The following PGCKA1 variants were observed in gnomAD, a reference collection of about 807,000 sequenced individuals.
PGCKA1 encodes PDCD10 and GCKIII kinases associated 1.
chr4:37,565,880 A>G, the PGCKA1 span, among the ~76,000 whole-genome samples: 24 of 152,306 alleles, frequency 1.6e-4, no homozygotes, highest in African/African-American at 5.1e-4. Context: ...GGTAGGCACC[A>G]TTTAATCAGC....
chr4:37,486,099 C>T, the PGCKA1 span, among the ~76,000 whole-genome samples: 6 of 152,314 alleles, frequency 3.9e-5, no homozygotes, highest in Non-Finnish European at 5.9e-5. Flanking sequence ...TTACTAAACT[C>T]ATATGTTCTT....
At chr4:37,469,803 A>G in the PGCKA1 span, among the ~76,000 whole-genome samples, 6 of 152,204 alleles carry the variant, frequency 3.9e-5, no homozygotes, top group Admixed American at 3.9e-4. Flanking sequence ...GGACAACAGG[A>G]TGAGCTATTT....
the PGCKA1 span, among the ~76,000 whole-genome samples, chr4:37,581,397 G>A: frequency 2.1e-3 from 313 of 152,220 alleles, no homozygotes; most frequent in African/African-American, 6.9e-3. This position sits in a 1 kb window ranked among gnomAD's most constrained non-coding sequence, Gnocchi z 4.4. Flanking sequence ...GGCCCATAGC[G>A]TACTACCTGG....
chr4:37,457,158 A>G, the PGCKA1 span, among the ~76,000 whole-genome samples: 2 of 152,238 alleles, frequency 1.3e-5, no homozygotes, highest in African/African-American at 2.4e-5. Context: ...AGACTTAAAT[A>G]TCTACATCTG....
the PGCKA1 span, among the ~76,000 whole-genome samples, chr4:37,565,530 C>T: frequency 1.3e-5 from 2 of 152,256 alleles, no homozygotes; most frequent in South Asian, 4.1e-4. Flanking sequence ...GGCTCTTCCA[C>T]AGAGTTATTG....
chr4:37,553,733 G>A, the PGCKA1 span, among the ~76,000 whole-genome samples: 1 of 152,204 alleles, frequency 6.6e-6, no homozygotes, highest in South Asian at 2.1e-4. Flanking sequence ...ATAATATTAT[G>A]CATTGGTATT....
At chr4:37,502,845 A>G in the PGCKA1 span, among the ~76,000 whole-genome samples, 1 of 152,012 alleles carries the variant, frequency 6.6e-6, no homozygotes, top group Non-Finnish European at 1.5e-5. Context: ...ACCCTAGGGC[A>G]CCCAGGGCTG....
the PGCKA1 span, chr4:37,590,320 G>C: frequency 2.5e-6 from 4 of 1,613,748 alleles, no homozygotes; most frequent in South Asian, 4.4e-5. Context: ...ACAGGGGGAC[G>C]CTGGAGGGGA....
chr4:37,497,571 T>C, the PGCKA1 span, among the ~76,000 whole-genome samples: 1 of 152,230 alleles, frequency 6.6e-6, no homozygotes, highest in Non-Finnish European at 1.5e-5. Context: ...ATTGTAGCCA[T>C]TCTTGCAGGA....
At chr4:37,566,898 AC>A in the PGCKA1 span, among the ~76,000 whole-genome samples, 1 of 152,092 alleles carries the variant, frequency 6.6e-6, no homozygotes, top group Non-Finnish European at 1.5e-5. Flanking sequence ...CCTTTCTTGT[AC>A]CAAGTCCTTC....
chr4:37,558,831 A>C, the PGCKA1 span, among the ~76,000 whole-genome samples: 12 of 128,164 alleles, frequency 9.4e-5, no homozygotes, highest in Admixed American at 3.2e-4. Context: ...GCAGCCAAAA[A>C]ACACATGAAA....
the PGCKA1 span, chr4:37,590,030 T>C: frequency 2.5e-6 from 3 of 1,215,348 alleles, no homozygotes; most frequent in African/African-American, 1.5e-5. Flanking sequence ...GCAGGGCCTG[T>C]GGTAAAAAGC....
chr4:37,572,048 CT>C, the PGCKA1 span, among the ~76,000 whole-genome samples: 43,881 of 110,572 alleles, frequency 0.4, 8,390 homozygotes, highest in East Asian at 0.59. Context: ...AACTTCACAC[CT>C]TTTTTTTTTT....
the PGCKA1 span, among the ~76,000 whole-genome samples, chr4:37,508,049 TGTA>T: frequency 6.6e-6 from 1 of 152,190 alleles, no homozygotes; most frequent in Non-Finnish European, 1.5e-5. Flanking sequence ...TACTGCTAGA[TGTA>T]TTGAAGCACC....
the PGCKA1 span, among the ~76,000 whole-genome samples, chr4:37,508,621 A>G: frequency 6.9e-6 from 1 of 144,498 alleles, no homozygotes; most frequent in Non-Finnish European, 1.5e-5. Context: ...AATTGTGAAT[A>G]TTATTGTGTT....
chr4:37,493,453 C>T, the PGCKA1 span, among the ~76,000 whole-genome samples: 1 of 152,138 alleles, frequency 6.6e-6, no homozygotes, highest in Non-Finnish European at 1.5e-5. Context: ...TTGGTATCTG[C>T]TTTATCCATG....
At chr4:37,590,073 T>C in the PGCKA1 span, 16 of 1,594,766 alleles carry the variant, frequency 1.0e-5, no homozygotes, top group African/African-American at 8.1e-5. Flanking sequence ...CTGGTTTTCA[T>C]TGTCTTTCCT....
At chr4:37,556,264 GTTTTGTTT>G in the PGCKA1 span, among the ~76,000 whole-genome samples, 12 of 118,186 alleles carry the variant, frequency 1.0e-4, no homozygotes, top group Middle Eastern at 3.9e-3. Flanking sequence ...TTTTTGTTTT[GTTTTGTTT>G]TTTTGTTTTT....
chr4:37,460,141 C>G, the PGCKA1 span, among the ~76,000 whole-genome samples: 1 of 152,114 alleles, frequency 6.6e-6, no homozygotes, highest in Non-Finnish European at 1.5e-5. Context: ...CCAGCATTAT[C>G]CATGTCCCTA....
Sources: allele counts gnomAD v4.1 joint callset (sites outside exome capture counted in the v4.1 genomes callset), GRCh38; gene constraint gnomAD v4.1.1; non-coding constraint Gnocchi (gnomAD v3.1); transcripts MANE v1.5; gene names NCBI Gene and HGNC (gene_info 2026-07-23, HGNC 2026-07-21).